EXOC6B: variants seen among roughly 807,000 people sequenced by gnomAD.
EXOC6B encodes exocyst complex component 6B.
Under a neutral mutation model 113.5 loss-of-function variants are expected in EXOC6B, and 54 were observed. That is an observed-to-expected ratio of 0.48 (90% CI 0.38 to 0.60). EXOC6B has a LOEUF of 0.60. EXOC6B is among the 20% of genes least tolerant of loss of function. EXOC6B has a pLI of 0.00. For synonymous variants in EXOC6B, 357 were observed against 339.0 expected, an observed-to-expected ratio of 1.05 and a Z score of -0.58; for missense variants, 797 against 977.5, an observed-to-expected ratio of 0.82 and a Z score of 2.46.
At chr2:72,615,291 T>C (rs1291049904) in intron 6 of EXOC6B, among the ~76,000 whole-genome samples, 3 of 152,110 alleles carry the variant, frequency 2.0e-5, no homozygotes. Context: ...AATCATACTA[T>C]GCAACTTTCA....
chr2:72,232,383 A>C (rs1219282145), intron 20 of EXOC6B, among the ~76,000 whole-genome samples: 1 of 152,194 alleles, frequency 6.6e-6, no homozygotes, highest in East Asian at 1.9e-4. Context: ...ATTGGTAAAA[A>C]TGTTCTGGAA....
chr2:72,366,773 G>T (rs966824043), intron 19 of EXOC6B, among the ~76,000 whole-genome samples: 3 of 151,126 alleles, frequency 2.0e-5, no homozygotes, highest in Non-Finnish European at 4.4e-5. Context: ...AAAATAGTTG[G>T]AACTCTTTAA....
chr2:72,822,572 T>C (rs543832522), intron 1 of EXOC6B, among the ~76,000 whole-genome samples: 4 of 152,232 alleles, frequency 2.6e-5, no homozygotes, highest in East Asian at 1.9e-4. Context: ...ATCCGTATCA[T>C]AGCAAAGAAA....
At chr2:72,776,783 GAGAGAA>G (rs1396735906) in intron 1 of EXOC6B, among the ~76,000 whole-genome samples, 1 of 151,790 alleles carries the variant, frequency 6.6e-6, no homozygotes, top group Non-Finnish European at 1.5e-5. Context: ...AAAAGGAAAG[GAGAGAA>G]AGAGAAAGAA....
intron 1 of EXOC6B, among the ~76,000 whole-genome samples, chr2:72,765,881 G>A (rs1683029251): frequency 6.6e-6 from 1 of 152,080 alleles, no homozygotes; most frequent in South Asian, 2.1e-4. Context: ...CCAAAAGGCA[G>A]GAAAATCAGC....
chr2:72,715,464 AATATAT>A (rs1451055819), intron 6 of EXOC6B, among the ~76,000 whole-genome samples: 1 of 147,998 alleles, frequency 6.8e-6, no homozygotes, highest in Admixed American at 6.8e-5. Context: ...TATGTACATA[AATATAT>A]ATAATATATA....
chr2:72,356,171 C>T (rs1247137248), intron 19 of EXOC6B, among the ~76,000 whole-genome samples: 1 of 152,114 alleles, frequency 6.6e-6, no homozygotes, highest in Non-Finnish European at 1.5e-5. Context: ...TTTTAAAATA[C>T]ATTTCTACTA....
chr2:72,302,705 G>C (rs1686603651), intron 20 of EXOC6B, among the ~76,000 whole-genome samples: 1 of 151,914 alleles, frequency 6.6e-6, no homozygotes, highest in African/African-American at 2.4e-5. Context: ...CTTTTATTTT[G>C]AGCCTATGGG....
At chr2:72,364,491 TG>T (rs1257075403) in intron 19 of EXOC6B, among the ~76,000 whole-genome samples, 4 of 152,160 alleles carry the variant, frequency 2.6e-5, no homozygotes, top group African/African-American at 9.6e-5. Context: ...AAATACCAAA[TG>T]GCTTTTCAGA....
chr2:72,615,610 T>C (rs1671338218), intron 6 of EXOC6B, among the ~76,000 whole-genome samples: 1 of 148,852 alleles, frequency 6.7e-6, no homozygotes. Flanking sequence ...AAAAAACCAC[T>C]GTGTGGCCAG....
intron 8 of EXOC6B, among the ~76,000 whole-genome samples, chr2:72,523,642 G>C (rs376892139): frequency 3.3e-5 from 5 of 152,022 alleles, no homozygotes; most frequent in Non-Finnish European, 7.4e-5. Flanking sequence ...TCAGCCGGGC[G>C]TGGTGGCAGG....
intron 20 of EXOC6B, among the ~76,000 whole-genome samples, chr2:72,243,191 A>T (rs1376023711): frequency 3.3e-5 from 5 of 152,320 alleles, no homozygotes; most frequent in African/African-American, 1.2e-4. Context: ...GTGGCACTTC[A>T]TCAAGGATCT....
Position 72,205,084 on chromosome 2 carries a change from T to A in EXOC6B, c.2197-20897A>T, listed in dbSNP as rs73942559. Among the ~76,000 whole-genome samples, 1,284 of 152,124 alleles carry A rather than the reference T, an allele frequency of 8.4e-3. 21 individuals are homozygous for A. The highest frequency in any genetic ancestry group is 0.029 in the African/African-American group (1,184 of 41,490). ...CTTCTCATGAAGGGTATCCCTGAAA[T>A]AATACTTTTGCCAGAGAGAGAGAGA... On this transcript the variant is annotated intron_variant, in intron 20 of 21. Transcript: ENST00000272427.
At chr2:72,582,990 T>A (rs1358363935) in intron 6 of EXOC6B, among the ~76,000 whole-genome samples, 3 of 152,038 alleles carry the variant, frequency 2.0e-5, no homozygotes, top group Admixed American at 1.3e-4. Context: ...AAGAGAAAGA[T>A]AAATACATTA....
intron 2 of EXOC6B, among the ~76,000 whole-genome samples, chr2:72,735,592 A>G (rs1319110261): frequency 6.6e-6 from 1 of 151,176 alleles, no homozygotes; most frequent in Non-Finnish European, 1.5e-5. Flanking sequence ...TGTCAGGTGG[A>G]TCAACCTGAG....
At chr2:72,580,135 AT>A (rs1205164863) in intron 6 of EXOC6B, among the ~76,000 whole-genome samples, 3,464 of 93,878 alleles carry the variant, frequency 0.037, 70 homozygotes, top group African/African-American at 0.14. Flanking sequence ...AGAAATAAGA[AT>A]TTTTTTTTTT....
chr2:72,336,735 G>A (rs970323355), intron 19 of EXOC6B, among the ~76,000 whole-genome samples: 3 of 152,230 alleles, frequency 2.0e-5, no homozygotes, highest in South Asian at 2.1e-4. Flanking sequence ...GGCCAGGTGC[G>A]ATGGCCCATG....
At chr2:72,248,613 T>TG (rs1682814608) in intron 20 of EXOC6B, among the ~76,000 whole-genome samples, 1 of 152,190 alleles carries the variant, frequency 6.6e-6, no homozygotes, top group Non-Finnish European at 1.5e-5. Flanking sequence ...ACACCTTGTA[T>TG]GGATCCTGCC....
Position 72,758,639 on chromosome 2 carries a change from C to T in EXOC6B, c.114-17170G>A, listed in dbSNP as rs567765960. Among the ~76,000 whole-genome samples the T allele has an allele frequency of 7.2e-5, 11 of 152,090 alleles. No individual in the cohort carries two copies. In the South Asian group the frequency reaches 1.9e-3, roughly 26 times the overall value. On this transcript the variant is annotated intron_variant, in intron 1 of 21. Coordinates refer to ENST00000272427, the MANE Select transcript of EXOC6B (RefSeq NM_015189.3). Reference sequence around the variant, plus strand: ...ATAAACTCTTTAACATTGAAGTGTACAGGGAAAAAAGGAACCTCAGAGATG... The same window carrying T: ...ATAAACTCTTTAACATTGAAGTGTATAGGGAAAAAAGGAACCTCAGAGATG...
Sources: gnomAD v4.1 joint callset for allele counts (sites outside exome capture counted in the v4.1 genomes callset) on GRCh38, gnomAD v4.1.1 for gene constraint, MANE v1.5 for transcripts, NCBI Gene and HGNC (gene_info 2026-07-23, HGNC 2026-07-21) for gene names.